MB21D2: variants seen among roughly 807,000 people sequenced by gnomAD.
MB21D2 encodes the protein Mab-21 domain containing 2.
In MB21D2, 9 loss-of-function variants were observed where a neutral mutation model predicts 33.3. The ratio of observed to expected loss-of-function variants is 0.27; its 90% CI spans 0.16 to 0.47. MB21D2 has a LOEUF of 0.47. Among genes scored for constraint, MB21D2 ranks in the 20% least tolerant of loss-of-function variants. The pLI is 0.99. For missense variants in MB21D2, 540 were observed against 624.6 expected (o/e 0.86, Z 1.44); for synonymous variants, 241 against 236.3 (o/e 1.02, Z -0.18).
chr3:192,805,801 G>A (rs1304586687), intron 1 of MB21D2, among the ~76,000 whole-genome samples: 3 of 152,198 alleles, frequency 2.0e-5, no homozygotes, highest in Non-Finnish European at 2.9e-5. Flanking sequence ...GCTATGAAGT[G>A]TCTAAGCGCA....
At chr3:192,800,796 T>C (rs1019105820) in intron 1 of MB21D2, among the ~76,000 whole-genome samples, 3 of 152,172 alleles carry the variant, frequency 2.0e-5, no homozygotes, top group Non-Finnish European at 4.4e-5. Context: ...AACAGAAAAC[T>C]ATGGCTATTT....
intron 1 of MB21D2, among the ~76,000 whole-genome samples, chr3:192,866,272 C>A (rs937978135): frequency 1.2e-4 from 18 of 152,174 alleles, no homozygotes; most frequent in African/African-American, 3.6e-4. Flanking sequence ...ACTAAAATTA[C>A]AATGTACAAG....
intron 1 of MB21D2, among the ~76,000 whole-genome samples, chr3:192,891,299 T>A (rs1028156553): frequency 6.6e-6 from 1 of 152,182 alleles, no homozygotes; most frequent in African/African-American, 2.4e-5. Context: ...CAAGCCAAAT[T>A]CAGACTGCAG....
At chr3:192,859,218 A>T (rs531551720) in intron 1 of MB21D2, among the ~76,000 whole-genome samples, 1 of 152,302 alleles carries the variant, frequency 6.6e-6, no homozygotes, top group East Asian at 1.9e-4. Flanking sequence ...AAGCCTGATA[A>T]AAATATTCAC....
chr3:192,813,281 C>T (rs1711831394), intron 1 of MB21D2, among the ~76,000 whole-genome samples: 1 of 147,844 alleles, frequency 6.8e-6, no homozygotes, highest in African/African-American at 2.6e-5. Flanking sequence ...GAGTTGTCCG[C>T]TTGCACTTAC....
At chr3:192,866,256 A>G (rs1006150324) in intron 1 of MB21D2, among the ~76,000 whole-genome samples, 1 of 152,292 alleles carries the variant, frequency 6.6e-6, no homozygotes, top group Admixed American at 6.5e-5. Context: ...CAAACTTTAA[A>G]TATATACTAA....
At chr3:192,847,466 T>C (rs1712701029) in intron 1 of MB21D2, among the ~76,000 whole-genome samples, 2 of 152,072 alleles carry the variant, frequency 1.3e-5, no homozygotes, top group Non-Finnish European at 2.9e-5. Flanking sequence ...ATGGTGTCTC[T>C]CAAAAGGCGA....
intron 1 of MB21D2, among the ~76,000 whole-genome samples, chr3:192,905,635 C>CA (rs142676577): frequency 0.045 from 3,785 of 84,850 alleles, 154 homozygotes; most frequent in African/African-American, 0.13. Flanking sequence ...CGCCCTGTCT[C>CA]AAAAAAAAAA....
intron 1 of MB21D2, among the ~76,000 whole-genome samples, chr3:192,910,272 C>G (rs888661967): frequency 6.8e-6 from 1 of 147,050 alleles, no homozygotes; most frequent in East Asian, 2.0e-4. Flanking sequence ...TCAAGACCAG[C>G]CTGGGCAACA....
At chr3:192,826,986 G>A (rs566907177) in intron 1 of MB21D2, among the ~76,000 whole-genome samples, 1 of 151,796 alleles carries the variant, frequency 6.6e-6, no homozygotes, top group African/African-American at 2.4e-5. Context: ...CCACCTCCCA[G>A]GTTCACACCA....
At position 192,799,111 on chromosome 3, in the gene MB21D2, A is replaced by G; in HGVS notation, c.751T>C (p.Trp251Arg). Reference sequence around the variant, plus strand: ...TCCCAAAAGTGGTTCTCCATGAGCCAGCTCTGGGCCACTGCAGGCCAACCT... The same window carrying G: ...TCCCAAAAGTGGTTCTCCATGAGCCGGCTCTGGGCCACTGCAGGCCAACCT... The part of the protein sequence containing the change: ...FKGWPAVAQS[W>R]LMENHFWDGK... Residue 251 changes from tryptophan (W) to arginine (R), a missense_variant, in exon 2 of 2, where the codon TGG becomes CGG. By Grantham distance (101) the Trp-to-Arg change is moderately radical. Coordinates refer to ENST00000392452, the MANE Select transcript of MB21D2 (RefSeq NM_178496.4). This position sits in a 1 kb window ranked among gnomAD's most constrained non-coding sequence, Gnocchi z 4.1. 6.2e-7 allele frequency: 1 copy of G among 1,614,196 alleles called. No homozygotes were observed. Among genetic ancestry groups the G allele is most frequent in the African/African-American group, 1.3e-5 (1 of 75,058 alleles).
At chr3:192,837,514 C>G (rs1274913934) in intron 1 of MB21D2, among the ~76,000 whole-genome samples, 3 of 152,140 alleles carry the variant, frequency 2.0e-5, no homozygotes, top group Non-Finnish European at 4.4e-5. Context: ...CCCCTCGGCA[C>G]AGAGGCATTA....
rs367811465 is a variant in MB21D2 at position 192,822,205 on chromosome 3, T to C, written c.212-22555A>G. Among the ~76,000 whole-genome samples the C allele has an allele frequency of 2.6e-4, 39 of 152,010 alleles. No individual in the cohort carries two copies. The East Asian group carries it at 4.1e-3, about 16-fold the overall frequency. On this transcript the variant is annotated intron_variant, in intron 1 of 1. Coordinates refer to ENST00000392452, the MANE Select transcript of MB21D2 (RefSeq NM_178496.4). ...AAAAGGCGGGGTGGGGGTGGGAGGT[T>C]GGAATGGGGCATCTGCTTAAAGTTT...
rs1720586612 is a variant in MB21D2, at chr3:192,799,029, G to A, written c.833C>T (p.Ser278Phe). The A allele has an allele frequency of 6.2e-7, 1 of 1,614,050 alleles. No individual in the cohort carries two copies. Among genetic ancestry groups the A allele is most frequent in the Non-Finnish European group, 8.5e-7 (1 of 1,180,020 alleles). ...ISGFYLVPAC[S>F]YKGKKDNEWR... ...TTCATTGTCCTTCTTACCCTTGTAG[G>A]AGCAAGCAGGCACCAAGTAAAACCC... The change falls in exon 2 of 2, where the codon TCC becomes TTC. Residue 278 changes from serine to phenylalanine, a missense_variant. By Grantham distance (155) the Ser-to-Phe change is radical (BLOSUM62 -2). Transcript: ENST00000392452. This position sits in a 1 kb window ranked among gnomAD's most constrained non-coding sequence, Gnocchi z 4.1.
At chr3:192,877,906 C>T (rs1391018521) in intron 1 of MB21D2, among the ~76,000 whole-genome samples, 1 of 150,590 alleles carries the variant, frequency 6.6e-6, no homozygotes, top group African/African-American at 2.4e-5. Context: ...GCCAAAGATA[C>T]AAGTAGTTAA....
intron 1 of MB21D2, among the ~76,000 whole-genome samples, chr3:192,850,613 A>C (rs987071872): frequency 6.6e-6 from 1 of 152,162 alleles, no homozygotes; most frequent in African/African-American, 2.4e-5. Context: ...TACACGTCTG[A>C]AAACCTTTGG....
At chr3:192,872,437 G>T (rs1477880879) in intron 1 of MB21D2, among the ~76,000 whole-genome samples, 1 of 151,658 alleles carries the variant, frequency 6.6e-6, no homozygotes, top group East Asian at 1.9e-4. Flanking sequence ...TTAGCCGCAC[G>T]TGGTGGCGAG....
intron 1 of MB21D2, among the ~76,000 whole-genome samples, chr3:192,872,766 A>C (rs891648520): frequency 6.6e-6 from 1 of 152,130 alleles, no homozygotes; most frequent in Non-Finnish European, 1.5e-5. Context: ...AAAACATAAC[A>C]AAACAATAGA....
At chr3:192,861,427 T>G (rs1244427003) in intron 1 of MB21D2, among the ~76,000 whole-genome samples, 3 of 152,212 alleles carry the variant, frequency 2.0e-5, no homozygotes, top group Admixed American at 2.0e-4. Context: ...CCTAAAGCCT[T>G]TTCCATAGCT....
Sources: gnomAD v4.1 joint callset for allele counts (sites outside exome capture counted in the v4.1 genomes callset) on GRCh38, gnomAD v4.1.1 for gene constraint, Gnocchi (gnomAD v3.1) non-coding constraint, MANE v1.5 for transcripts, NCBI Gene and HGNC (gene_info 2026-07-23, HGNC 2026-07-21) for gene names.